HDAC9: variants seen among roughly 807,000 people sequenced by gnomAD.
HDAC9 encodes the protein histone deacetylase 9.
HDAC9 carries 41 observed loss-of-function variants against 139.4 expected under a neutral mutation model. The ratio of observed to expected loss-of-function variants is 0.29; its 90% CI spans 0.23 to 0.38. The LOEUF is 0.38. HDAC9 is among the 10% of genes least tolerant of loss of function. The pLI is 1.00. For synonymous variants in HDAC9, 517 were observed against 476.2 expected (o/e 1.09, Z -1.12); for missense variants, 1,147 against 1,297.0 (o/e 0.88, Z 1.78).
intron 21 of HDAC9, among the ~76,000 whole-genome samples, chr7:18,852,171 A>G (rs911594158): frequency 1.3e-5 from 2 of 152,204 alleles, no homozygotes; most frequent in Non-Finnish European, 2.9e-5. Context: ...CATGTGCTTA[A>G]CTGAGCTAGT....
At chr7:18,895,141 T>G (rs1801066449) in intron 22 of HDAC9, among the ~76,000 whole-genome samples, 1 of 152,098 alleles carries the variant, frequency 6.6e-6, no homozygotes, top group Non-Finnish European at 1.5e-5. Context: ...CATGTAAATT[T>G]CACATATAAC....
At chr7:18,865,509 A>G (rs1193441898) in intron 21 of HDAC9, among the ~76,000 whole-genome samples, 1 of 152,186 alleles carries the variant, frequency 6.6e-6, no homozygotes, top group Non-Finnish European at 1.5e-5. Flanking sequence ...GAGAACACCA[A>G]TTATACCTGG....
chr7:18,549,324 T>G (rs544919241), intron 2 of HDAC9, among the ~76,000 whole-genome samples: 1 of 152,342 alleles, frequency 6.6e-6, no homozygotes, highest in South Asian at 2.1e-4. Flanking sequence ...TTAAAACTTA[T>G]GTTCGCACAG....
chr7:18,813,944 C>A (rs989464227), intron 17 of HDAC9, among the ~76,000 whole-genome samples: 1 of 152,194 alleles, frequency 6.6e-6, no homozygotes, highest in African/African-American at 2.4e-5. Context: ...GTCCCTCCGT[C>A]TGCATTTCTG....
Position 18,927,398 on chromosome 7 carries a change from C to T in HDAC9, c.2804-8411C>T, listed in dbSNP as rs534027265. ...ATACATGAGACTGCCACATGCTACCCGAATTTCTCTCTCTACTTGAGCCTG... is the reference window on the plus strand; with the variant it reads ...ATACATGAGACTGCCACATGCTACCTGAATTTCTCTCTCTACTTGAGCCTG... On this transcript the variant is annotated intron_variant, in intron 22 of 25. Coordinates refer to ENST00000686413, the MANE Select transcript of HDAC9 (RefSeq NM_178425.4). Among the ~76,000 whole-genome samples, 6 of 152,218 alleles carry T rather than the reference C, an allele frequency of 3.9e-5. 1 individual carries two copies. The highest frequency in any genetic ancestry group is 6.5e-5 in the Admixed American group (1 of 15,268).
intron 2 of HDAC9, among the ~76,000 whole-genome samples, chr7:18,217,260 C>A (rs1792383698): frequency 6.6e-6 from 1 of 151,832 alleles, no homozygotes; most frequent in South Asian, 2.1e-4. Context: ...TGTTTTTCAT[C>A]CCCCTTTTGT....
intron 16 of HDAC9, among the ~76,000 whole-genome samples, chr7:18,770,106 A>T (rs978065422): frequency 9.2e-5 from 14 of 152,128 alleles, no homozygotes; most frequent in Non-Finnish European, 1.9e-4. Flanking sequence ...AATTTCCCCT[A>T]AAATTGCACA....
At chr7:18,393,010 A>T (rs896151865) in intron 1 of HDAC9, among the ~76,000 whole-genome samples, 6 of 151,222 alleles carry the variant, frequency 4.0e-5, no homozygotes, top group African/African-American at 1.2e-4. Context: ...GTGTGGAGGG[A>T]TGTATGAACA....
At chr7:18,918,434 CAG>C (rs998572221) in intron 22 of HDAC9, among the ~76,000 whole-genome samples, 2 of 151,924 alleles carry the variant, frequency 1.3e-5, no homozygotes, top group Non-Finnish European at 2.9e-5. Context: ...CTGTTAATAA[CAG>C]AGTATTATTC....
chr7:18,372,631 A>G (rs1784680815), intron 1 of HDAC9, among the ~76,000 whole-genome samples: 1 of 152,148 alleles, frequency 6.6e-6, no homozygotes, highest in African/African-American at 2.4e-5. Context: ...TTTTCTGCAA[A>G]TTTTTAAACA....
At position 18,821,110 on chromosome 7, in the gene HDAC9, C is replaced by T. The variant is rs575054270; in HGVS notation, c.2323-8051C>T. On this transcript the variant is annotated intron_variant, in intron 17 of 25. Coordinates refer to ENST00000686413, the MANE Select transcript of HDAC9 (RefSeq NM_178425.4). ...TGAGGGGAGGGACACTGTGTCCTTA[C>T]AGGGTAGAAGGCGAAAGGGCAAGCC... 5.1e-4 allele frequency among the ~76,000 whole-genome samples: 78 copies of T among 152,288 alleles called. 1 individual carries two copies. The highest frequency in any genetic ancestry group is 1.4e-3 in the African/African-American group (58 of 41,566).
At chr7:18,447,990 A>G (rs1792452323) in intron 1 of HDAC9, among the ~76,000 whole-genome samples, 1 of 152,128 alleles carries the variant, frequency 6.6e-6, no homozygotes, top group Non-Finnish European at 1.5e-5. Flanking sequence ...ACAGACGTGC[A>G]CCACAATACC....
chr7:18,837,622 A>G (rs1796321929), intron 21 of HDAC9, among the ~76,000 whole-genome samples: 2 of 152,108 alleles, frequency 1.3e-5, no homozygotes, highest in African/African-American at 2.4e-5. Flanking sequence ...TTTTTAAATT[A>G]TCGTAATTCC....
intron 8 of HDAC9, among the ~76,000 whole-genome samples, chr7:18,637,761 G>A (rs1174429137): frequency 6.6e-6 from 1 of 152,034 alleles, no homozygotes; most frequent in African/African-American, 2.4e-5. Flanking sequence ...ATGCAACCCT[G>A]ATGGCTAACA....
At chr7:18,896,541 G>T (rs547827051) in intron 22 of HDAC9, among the ~76,000 whole-genome samples, 2 of 152,020 alleles carry the variant, frequency 1.3e-5, no homozygotes, top group Non-Finnish European at 2.9e-5. Flanking sequence ...CCTGTTTGGT[G>T]TTGTATTTCA....
At chr7:18,250,601 C>G (rs1456563545) in intron 2 of HDAC9, among the ~76,000 whole-genome samples, 2 of 152,284 alleles carry the variant, frequency 1.3e-5, no homozygotes, top group Admixed American at 1.3e-4. Context: ...TACACATAGT[C>G]ACTGCTCAAT....
At position 18,273,014 on chromosome 7, in the gene HDAC9, C is replaced by CTTCTTCT. The variant is rs1276143784; in HGVS notation, c.25+110666_25+110667insTCTTCTT. 2.9e-3 allele frequency among the ~76,000 whole-genome samples: 412 copies of CTTCTTCT among 139,912 alleles called. 3 individuals are homozygous for CTTCTTCT. The highest frequency in any genetic ancestry group is 0.01 in the African/African-American group (375 of 37,012). 91.8% of individuals were successfully genotyped at this position (139,912 alleles called of 152,430 possible). A position where few individuals can be genotyped will look rare whatever the true frequency, so the allele number is the denominator to read the frequency against. ...CCTCCTCCTCTTCTTCTTCTTCTTCCTCCTCCTCCTCCTCTTCCTCTTCCC... is the reference window on the plus strand; with the variant it reads ...CCTCCTCCTCTTCTTCTTCTTCTTCCTTCTTCTTCCTCCTCCTCCTCTTCCTCTTCCC... On this transcript the variant is annotated intron_variant, in intron 2 of 12. Coordinates refer to the HDAC9 transcript ENST00000417496.
chr7:18,962,634 T>A (rs1053860572), intron 24 of HDAC9, among the ~76,000 whole-genome samples: 4 of 152,128 alleles, frequency 2.6e-5, no homozygotes, highest in African/African-American at 9.7e-5. Context: ...CTTTGTGGAT[T>A]ATGAAAGAGT....
chr7:18,848,540 G>A (rs1315898466), intron 21 of HDAC9, among the ~76,000 whole-genome samples: 1 of 151,646 alleles, frequency 6.6e-6, no homozygotes, highest in Non-Finnish European at 1.5e-5. Context: ...AGCGAGATAG[G>A]GCTGGTTGTA....
Sources: gnomAD v4.1 joint callset for allele counts (sites outside exome capture counted in the v4.1 genomes callset) on GRCh38, gnomAD v4.1.1 for gene constraint, MANE v1.5 for transcripts, NCBI Gene and HGNC (gene_info 2026-07-23, HGNC 2026-07-21) for gene names.